The following AP2A2 variants were observed in gnomAD, a reference collection of about 807,000 sequenced individuals.
AP2A2 encodes the protein AP-2 complex subunit alpha-2.
In AP2A2, 32 loss-of-function variants were observed where a neutral mutation model predicts 104.2. That is an observed-to-expected ratio of 0.31 (90% CI 0.23 to 0.41). The LOEUF is 0.41. Ranked by LOEUF, AP2A2 falls within the 10% of genes least tolerant of loss-of-function variation. AP2A2 has a pLI of 1.00. For synonymous variants in AP2A2, 539 were observed against 533.3 expected, an observed-to-expected ratio of 1.01 and a Z score of -0.15; for missense variants, 912 against 1,261.0, an observed-to-expected ratio of 0.72 and a Z score of 4.19.
chr11:995,365 G>A (rs777356141), intron 14 of AP2A2: 2 of 455,888 alleles, frequency 4.4e-6, no homozygotes, highest in South Asian at 3.1e-5. Flanking sequence ...TGAGAGTTGC[G>A]TTTTTGCTTG....
chr11:990,071 G>T (rs1855595349), intron 10 of AP2A2, among the ~76,000 whole-genome samples: 1 of 152,186 alleles, frequency 6.6e-6, no homozygotes, highest in African/African-American at 2.4e-5. Context: ...TTAGTGAACG[G>T]AGGAGCCCAG....
intron 3 of AP2A2, among the ~76,000 whole-genome samples, chr11:971,416 G>A (rs567119466): frequency 6.6e-6 from 1 of 152,296 alleles, no homozygotes; most frequent in African/African-American, 2.4e-5. Context: ...GAGCTCCCTC[G>A]TGGCGTCTTC....
intron 2 of AP2A2, among the ~76,000 whole-genome samples, chr11:965,556 G>GA (rs2134593697): frequency 6.6e-6 from 1 of 152,336 alleles, no homozygotes; most frequent in East Asian, 1.9e-4. Context: ...GGCTTTAAGG[G>GA]AGTCTCCCCT....
intron 5 of AP2A2, among the ~76,000 whole-genome samples, chr11:979,427 C>T (rs1399295827): frequency 6.6e-6 from 1 of 151,928 alleles, no homozygotes; most frequent in Non-Finnish European, 1.5e-5. Context: ...TTACAGCTTT[C>T]ACATTTTCCT....
intron 16 of AP2A2, among the ~76,000 whole-genome samples, chr11:1,005,731 A>G (rs1326997466): frequency 6.6e-6 from 1 of 152,222 alleles, no homozygotes; most frequent in East Asian, 1.9e-4. Context: ...GGGTTGTCAG[A>G]GTGATTCCTG....
intron 1 of AP2A2, among the ~76,000 whole-genome samples, chr11:955,598 G>T (rs1414513359): frequency 1.3e-5 from 2 of 152,198 alleles, no homozygotes; most frequent in African/African-American, 4.8e-5. Flanking sequence ...AGAAGCTGTT[G>T]TGTTCCCAGC....
intron 4 of AP2A2, 95 bp from the exon 5 acceptor site, chr11:977,000 A>G: frequency 6.5e-7 from 1 of 1,544,904 alleles, no homozygotes; most frequent in Non-Finnish European, 8.8e-7. Flanking sequence ...CGCCAGCCCC[A>G]CCCCCGCGTC....
At chr11:989,192 T>C (rs1251571108) in intron 10 of AP2A2, among the ~76,000 whole-genome samples, 1 of 152,138 alleles carries the variant, frequency 6.6e-6, no homozygotes, top group Non-Finnish European at 1.5e-5. Flanking sequence ...CCGGGCGTAG[T>C]GGCGCATGCC....
rs1349289143 is a variant in AP2A2 at position 992,016 on chromosome 11, A to C, written c.1270-487A>C. Among the ~76,000 whole-genome samples, 1 of 152,114 alleles carries C rather than the reference A, an allele frequency of 6.6e-6. No homozygotes were observed. Among genetic ancestry groups the C allele is most frequent in the Non-Finnish European group, 1.5e-5 (1 of 68,018 alleles). On this transcript the variant is annotated intron_variant, in intron 10 of 21. Coordinates refer to ENST00000448903, the MANE Select transcript of AP2A2 (RefSeq NM_012305.4). This position sits in a 1 kb window ranked among gnomAD's most constrained non-coding sequence, Gnocchi z 6.4. ...GTGAGAGTGAGCCAGAGAGGGGAAG[A>C]AGGGGAACCCCCAGGTGAGGCTCGC...
intron 6 of AP2A2, among the ~76,000 whole-genome samples, chr11:983,223 A>G (rs1589991876): frequency 1.3e-5 from 2 of 148,866 alleles, no homozygotes; most frequent in East Asian, 4.1e-4. Flanking sequence ...TTTCACCACA[A>G]TGGCCAGGCT....
At chr11:956,352 G>A (rs1247857170) in intron 1 of AP2A2, among the ~76,000 whole-genome samples, 2 of 152,082 alleles carry the variant, frequency 1.3e-5, no homozygotes, top group African/African-American at 4.8e-5. Flanking sequence ...TAGTAGAGAC[G>A]GGGTTTCGCC....
At chr11:995,294 A>T (rs1590009868) in intron 14 of AP2A2, 1 of 455,898 alleles carries the variant, frequency 2.2e-6, no homozygotes, top group Non-Finnish European at 4.4e-6. Flanking sequence ...GTGTGATGCG[A>T]TGAGAATAAT....
intron 2 of AP2A2, among the ~76,000 whole-genome samples, chr11:969,391 G>A (rs1480638012): frequency 1.3e-5 from 2 of 151,812 alleles, no homozygotes; most frequent in Non-Finnish European, 1.5e-5. Flanking sequence ...CACCACGCCT[G>A]GCTAATTTTG....
At chr11:979,119 G>T (rs1051672141) in intron 5 of AP2A2, among the ~76,000 whole-genome samples, 5 of 151,862 alleles carry the variant, frequency 3.3e-5, no homozygotes, top group Non-Finnish European at 4.4e-5. Flanking sequence ...GGGGCCACGT[G>T]TCGCGGGCCT....
chr11:954,379 T>C (rs1854159197), intron 1 of AP2A2, among the ~76,000 whole-genome samples: 1 of 152,238 alleles, frequency 6.6e-6, no homozygotes, highest in African/African-American at 2.4e-5. Flanking sequence ...TATATTTGTA[T>C]TTATGCATGT....
At position 1,010,537 on chromosome 11, in the gene AP2A2, C is replaced by G; in HGVS notation, c.2743-11C>G. The G allele has an allele frequency of 6.3e-7, 1 of 1,580,972 alleles. No homozygotes were observed. The highest frequency in any genetic ancestry group is 8.6e-7 in the Non-Finnish European group (1 of 1,163,436). On this transcript the variant is annotated splice_polypyrimidine_tract_variant and intron_variant, in intron 21 of 21. Transcript: ENST00000448903. ...GGCGTGCCCGTTGACCTGCTGTGCTCTCTGTTTCAGATGTACCGGCTCACG... is the reference window on the plus strand; with the variant it reads ...GGCGTGCCCGTTGACCTGCTGTGCTGTCTGTTTCAGATGTACCGGCTCACG...
In AP2A2 at chr11:1,006,605, G is replaced by A. The variant is rs568159584; in HGVS notation, c.2284G>A (p.Asp762Asn). Residue 762 changes from aspartate to asparagine, a missense_variant, in exon 17 of 22, where the codon GAC (aspartate) becomes AAC (asparagine). This residue lies in a region of AP2A2 where 239 missense variants were observed against 329.8 expected (regional missense o/e 0.72). Coordinates refer to ENST00000448903, the MANE Select transcript of AP2A2 (RefSeq NM_012305.4). ...TACCCCAACACTAATCTGTTCAGACGACCTTCAGCCTAATATCCTTGGCTT... is the reference window on the plus strand; with the variant it reads ...TACCCCAACACTAATCTGTTCAGACAACCTTCAGCCTAATATCCTTGGCTT... The part of the protein sequence containing the change: ...NFTPTLICSD[D>N]LQPNLNLQTK... 19 of 1,613,120 alleles carry A rather than the reference G, an allele frequency of 1.2e-5. 1 individual carries two copies. The highest frequency in any genetic ancestry group is 3.3e-4 in the Middle Eastern group (2 of 6,060).
intron 1 of AP2A2, among the ~76,000 whole-genome samples, chr11:949,146 C>T (rs373704176): frequency 6.1e-4 from 93 of 151,790 alleles, no homozygotes; most frequent in African/African-American, 2.1e-3. Context: ...TGTGGTGGCA[C>T]GCACCTTTAG....
chr11:998,744 C>G (rs1449737065), intron 14 of AP2A2, among the ~76,000 whole-genome samples: 1 of 152,126 alleles, frequency 6.6e-6, no homozygotes, highest in Non-Finnish European at 1.5e-5. Context: ...TGTTGCCAGG[C>G]TGTAGTTCAG....
Sources: gnomAD v4.1 joint callset for allele counts (sites outside exome capture counted in the v4.1 genomes callset) on GRCh38, gnomAD v4.1.1 for gene constraint, gnomAD v4.1.1 regional missense constraint, Gnocchi (gnomAD v3.1) non-coding constraint, MANE v1.5 for transcripts, NCBI Gene and HGNC (gene_info 2026-07-23, HGNC 2026-07-21) for gene names.